PCDH10: variants seen among roughly 807,000 people sequenced by gnomAD.
The protein encoded by PCDH10 is protocadherin 10.
Under a neutral mutation model 74.4 loss-of-function variants are expected in PCDH10, and 15 were observed. The observed-to-expected ratio is 0.20, with a 90% CI of 0.13 to 0.31. PCDH10 has a LOEUF of 0.31. Among genes scored for constraint, PCDH10 ranks in the 10% least tolerant of loss-of-function variants. The probability of loss-of-function intolerance (pLI) is 1.00; values close to 1 mark genes in which losing one functional copy is unlikely to be tolerated. For missense variants in PCDH10, 1,260 were observed against 1,390.2 expected (o/e 0.91, Z 1.49); for synonymous variants, 619 against 589.8 (o/e 1.05, Z -0.72).
Position 133,194,074 on chromosome 4 carries a change from A to G in PCDH10, c.*3914A>G, listed in dbSNP as rs1035360556. 1 of 151,856 alleles carries G rather than the reference A, an allele frequency of 6.6e-6. No homozygotes were observed. The highest frequency in any genetic ancestry group is 2.4e-5 in the African/African-American group (1 of 41,434). The allele number at this position is 151,856 out of a possible 1,614,324, so 9.4% of individuals were successfully genotyped here. On this transcript the variant is annotated 3_prime_UTR_variant, in exon 5 of 5. Coordinates refer to ENST00000264360, the MANE Select transcript of PCDH10 (RefSeq NM_032961.3). The stretch of plus-strand genomic sequence containing the variant: ...CAAATCTTGGCATAGGTTTTAGATT[A>G]TAGCATTCTGTATGAATGCAGGTAG...
chr4:133,178,612 T>C (rs1319191897), intron 4 of PCDH10, among the ~76,000 whole-genome samples: 1 of 151,278 alleles, frequency 6.6e-6, no homozygotes, highest in Admixed American at 6.6e-5. Context: ...TACTGGTAAA[T>C]TGAAATGTGA....
chr4:133,180,311 G>A (rs1016902602), intron 4 of PCDH10, among the ~76,000 whole-genome samples: 1 of 152,032 alleles, frequency 6.6e-6, no homozygotes, highest in Non-Finnish European at 1.5e-5. Context: ...ATGAACAGGA[G>A]GTTGTTGATA....
intron 1 of PCDH10, 154 bp downstream of exon 1, chr4:133,152,925 C>T (rs1726773224): frequency 3.4e-6 from 5 of 1,457,726 alleles, no homozygotes; most frequent in African/African-American, 1.4e-5. Context: ...TCACCTTCTC[C>T]CACTCCTTCG....
At chr4:133,180,923 A>AT (rs149442291) in intron 4 of PCDH10, among the ~76,000 whole-genome samples, 21 of 151,726 alleles carry the variant, frequency 1.4e-4, no homozygotes, top group South Asian at 2.1e-4. Context: ...CATTTTTGTG[A>AT]TTTTTTTAAA....
Position 133,152,022 on chromosome 4 carries a change from C to T in PCDH10, c.1882C>T (p.Leu628Phe), listed in dbSNP as rs1302718728. 6.2e-7 allele frequency: 1 copy of T among 1,612,572 alleles called. No individual in the cohort carries two copies. Among genetic ancestry groups the T allele is most frequent in the Admixed American group, 1.7e-5 (1 of 59,986 alleles). ...CATCGTGCGTGGCAACGAAATGAACCTCTTTCGCATGGACTGGCGCACCGG... is the reference window on the plus strand; with the variant it reads ...CATCGTGCGTGGCAACGAAATGAACTTCTTTCGCATGGACTGGCGCACCGG... ...YSIVRGNEMN[L>F]FRMDWRTGEL... Residue 628 changes from leucine to phenylalanine, a missense_variant, in exon 1 of 5, where the codon CTC (leucine) becomes TTC (phenylalanine). Physicochemically the swap from Leu to Phe is conservative, Grantham distance 22. Around this residue, in one of 11 missense-constraint regions of PCDH10, gnomAD observed 587 missense variants for 616.9 expected, o/e 0.95. Transcript: ENST00000264360.
chr4:133,168,657 A>G (rs1727137631), intron 4 of PCDH10, among the ~76,000 whole-genome samples: 1 of 151,454 alleles, frequency 6.6e-6, no homozygotes. Flanking sequence ...CTCTACTACG[A>G]TTTTTCTTCC....
At position 133,150,940 on chromosome 4, in the gene PCDH10, C is replaced by A; in HGVS notation, c.800C>A (p.Thr267Asn). ...VSLPENSPPG[T>N]LVIQLNATDP... ...CTACCAGAGAACTCTCCCCCAGGCA[C>A]TCTCGTGATCCAGCTCAACGCCACC... Residue 267 changes from threonine (T) to asparagine (N), a missense_variant, in exon 1 of 5, where the codon ACT becomes AAT. Coordinates refer to ENST00000264360, the MANE Select transcript of PCDH10 (RefSeq NM_032961.3). The A allele has an allele frequency of 6.2e-7, 1 of 1,613,976 alleles. No homozygotes were observed.
intron 4 of PCDH10, among the ~76,000 whole-genome samples, chr4:133,182,282 T>G (rs1389037065): frequency 6.6e-6 from 1 of 152,092 alleles, no homozygotes; most frequent in Admixed American, 6.6e-5. Flanking sequence ...TAATATAGTC[T>G]TCTTATAATA....
intron 4 of PCDH10, among the ~76,000 whole-genome samples, chr4:133,171,828 T>C (rs1308594400): frequency 6.6e-6 from 1 of 152,142 alleles, no homozygotes; most frequent in Non-Finnish European, 1.5e-5. Context: ...CCAGAATTAA[T>C]TGCCTTGTTA....
At chr4:133,175,696 A>C (rs920089468) in intron 4 of PCDH10, among the ~76,000 whole-genome samples, 1 of 152,090 alleles carries the variant, frequency 6.6e-6, no homozygotes, top group East Asian at 1.9e-4. Flanking sequence ...ATGCATCCTC[A>C]TTTCATGTTA....
At chr4:133,165,191 T>G (rs915870507) in intron 4 of PCDH10, among the ~76,000 whole-genome samples, 6 of 150,906 alleles carry the variant, frequency 4.0e-5, no homozygotes, top group Non-Finnish European at 7.4e-5. Flanking sequence ...AATTTAGGGT[T>G]TGGGTTGACG....
chr4:133,155,642 A>T (rs544538740), intron 3 of PCDH10, among the ~76,000 whole-genome samples: 5 of 152,300 alleles, frequency 3.3e-5, no homozygotes, highest in Admixed American at 1.3e-4. Context: ...TGGTTTCTTC[A>T]TATTTTCAAC....
chr4:133,168,156 T>C (rs1284533212), intron 4 of PCDH10, among the ~76,000 whole-genome samples: 1 of 151,438 alleles, frequency 6.6e-6, no homozygotes, highest in African/African-American at 2.4e-5. Context: ...TATTATAATA[T>C]TTTTTCTTTT....
At chr4:133,169,231 C>G (rs1727150855) in intron 4 of PCDH10, among the ~76,000 whole-genome samples, 1 of 151,542 alleles carries the variant, frequency 6.6e-6, no homozygotes, top group Admixed American at 6.6e-5. Context: ...TTTATATTTT[C>G]CTCTAGTTTA....
chr4:133,204,973 G>A (rs1179032452), intron 2 of PCDH10, among the ~76,000 whole-genome samples: 3 of 152,176 alleles, frequency 2.0e-5, no homozygotes, highest in Non-Finnish European at 4.4e-5. Context: ...GTTTCAAGAA[G>A]TGCACCCTGG....
intron 2 of PCDH10, among the ~76,000 whole-genome samples, chr4:133,201,775 G>A (rs541282260): frequency 2.8e-5 from 4 of 142,742 alleles, no homozygotes; most frequent in African/African-American, 1.0e-4. Context: ...AGAATCGCTT[G>A]AACCTGGGAG....
Position 133,163,300 on chromosome 4 carries a change from G to A in PCDH10, c.3103+18G>A, listed in dbSNP as rs763488504. On this transcript the variant is annotated intron_variant, in intron 4 of 4. Coordinates refer to ENST00000264360, the MANE Select transcript of PCDH10 (RefSeq NM_032961.3). ...ATATTTGAGTAAGTATTACACAAAG[G>A]GCTCTGTTAAAGTGTTCCCTTTGAG... is the stretch of plus-strand genomic sequence containing the variant. 7 of 1,581,550 alleles carry A rather than the reference G, an allele frequency of 4.4e-6. No homozygotes were observed. In the African/African-American group the frequency reaches 8.1e-5, roughly 18 times the overall value.
At chr4:133,204,608 A>C (rs1727966260) in intron 2 of PCDH10, among the ~76,000 whole-genome samples, 1 of 152,214 alleles carries the variant, frequency 6.6e-6, no homozygotes, top group African/African-American at 2.4e-5. Context: ...GTGGTGCTGG[A>C]ACCAATTAGT....
At chr4:133,173,732 C>CTT (rs74651681) in intron 4 of PCDH10, among the ~76,000 whole-genome samples, 1 of 147,154 alleles carries the variant, frequency 6.8e-6, no homozygotes. Context: ...TTCTTAAAGT[C>CTT]TTTTTTTTTT....
Sources: allele counts gnomAD v4.1 joint callset (sites outside exome capture counted in the v4.1 genomes callset), GRCh38; gene constraint gnomAD v4.1.1; regional missense constraint gnomAD v4.1.1; transcripts MANE v1.5; gene names NCBI Gene and HGNC (gene_info 2026-07-23, HGNC 2026-07-21).